SPAG16: variants seen among roughly 807,000 people sequenced by gnomAD.
SPAG16 encodes sperm associated antigen 16.
A neutral mutation model predicts 80.4 loss-of-function variants in SPAG16; 86 were observed. The observed-to-expected ratio is 1.07, with a 90% CI of 0.90 to 1.28. The LOEUF (loss-of-function observed/expected upper bound fraction) is 1.28, where lower values mean the gene tolerates loss of function less well. Ranked by LOEUF, SPAG16 falls within the 50% of genes most tolerant of loss-of-function variation. The pLI is 0.00. For synonymous variants in SPAG16, 294 were observed against 265.9 expected (o/e 1.11, Z -1.03); for missense variants, 870 against 765.3 (o/e 1.14, Z -1.61).
At chr2:213,441,528 A>C (rs1235174738) in intron 9 of SPAG16, among the ~76,000 whole-genome samples, 1 of 152,218 alleles carries the variant, frequency 6.6e-6, no homozygotes, top group Non-Finnish European at 1.5e-5. Context: ...ACAAAGTATC[A>C]GTAATGTTCT....
At chr2:214,309,906 A>C (rs1458150950) in intron 15 of SPAG16, among the ~76,000 whole-genome samples, 1 of 152,148 alleles carries the variant, frequency 6.6e-6, no homozygotes, top group Non-Finnish European at 1.5e-5. Flanking sequence ...GTCCTGCTGG[A>C]GACTGTGCTG....
At chr2:213,773,435 C>T (rs973566832) in intron 10 of SPAG16, among the ~76,000 whole-genome samples, 3 of 152,172 alleles carry the variant, frequency 2.0e-5, no homozygotes, top group African/African-American at 7.2e-5. Flanking sequence ...ATTATCAGTT[C>T]ATGTAACTAG....
chr2:213,339,213 G>C (rs1313379945), intron 5 of SPAG16, among the ~76,000 whole-genome samples: 1 of 152,058 alleles, frequency 6.6e-6, no homozygotes, highest in African/African-American at 2.4e-5. Flanking sequence ...ATTGACTTCT[G>C]ACACCGCTTA....
intron 13 of SPAG16, among the ~76,000 whole-genome samples, chr2:214,050,398 A>T (rs1462655484): frequency 1.3e-5 from 2 of 152,104 alleles, no homozygotes; most frequent in Admixed American, 6.6e-5. Flanking sequence ...TTTGAGAAAC[A>T]TTCATCTGGC....
chr2:214,065,815 T>C (rs530854803), intron 13 of SPAG16, among the ~76,000 whole-genome samples: 13 of 152,300 alleles, frequency 8.5e-5, no homozygotes, highest in African/African-American at 3.1e-4. Context: ...TTAGGAGACA[T>C]TGGTTGGCCT....
intron 13 of SPAG16, among the ~76,000 whole-genome samples, chr2:214,038,933 A>T (rs1051124631): frequency 1.3e-5 from 2 of 152,160 alleles, no homozygotes; most frequent in African/African-American, 4.8e-5. Context: ...TTCTTAATCC[A>T]GTCTATCATT....
intron 15 of SPAG16, among the ~76,000 whole-genome samples, chr2:214,220,780 C>A (rs562325366): frequency 7.9e-5 from 12 of 152,052 alleles, no homozygotes; most frequent in African/African-American, 2.9e-4. Flanking sequence ...TTACTTAAAA[C>A]GTAATAAAAT....
chr2:213,422,454 C>G (rs913690276), intron 9 of SPAG16: 2 of 585,480 alleles, frequency 3.4e-6, no homozygotes, highest in East Asian at 2.8e-5. Flanking sequence ...CCCCTCACCT[C>G]TCTGCTCCTG....
chr2:213,466,371 TG>T (rs1345575743), intron 9 of SPAG16, among the ~76,000 whole-genome samples: 1 of 152,212 alleles, frequency 6.6e-6, no homozygotes, highest in East Asian at 1.9e-4. Flanking sequence ...AAGCAAGGCT[TG>T]TTTCAATTGG....
intron 11 of SPAG16, among the ~76,000 whole-genome samples, chr2:213,868,060 A>G (rs1003848427): frequency 1.3e-5 from 2 of 152,082 alleles, no homozygotes; most frequent in African/African-American, 4.8e-5. Flanking sequence ...ATGATATGCA[A>G]CCATCAACAT....
chr2:213,993,190 G>A (rs943338998), intron 12 of SPAG16, among the ~76,000 whole-genome samples: 2 of 152,130 alleles, frequency 1.3e-5, no homozygotes, highest in African/African-American at 2.4e-5. Flanking sequence ...GACACCCAAC[G>A]GGCAGAATAT....
At chr2:213,593,746 CTTTTTTTTTT>C (rs541949006) in intron 10 of SPAG16, among the ~76,000 whole-genome samples, 8 of 50,184 alleles carry the variant, frequency 1.6e-4, no homozygotes, top group African/African-American at 3.9e-4. Flanking sequence ...CCCACCACAT[CTTTTTTTTTT>C]TTTTTTTTTT....
intron 10 of SPAG16, among the ~76,000 whole-genome samples, chr2:213,707,801 T>A (rs932843682): frequency 5.3e-5 from 8 of 152,164 alleles, no homozygotes; most frequent in Non-Finnish European, 1.0e-4. Context: ...TTTTGTTAGC[T>A]TATATCTCTT....
chr2:213,299,751 T>C (rs1030036340), intron 3 of SPAG16, among the ~76,000 whole-genome samples: 1 of 152,202 alleles, frequency 6.6e-6, no homozygotes, highest in Non-Finnish European at 1.5e-5. Flanking sequence ...AAGTTATTCT[T>C]GAAAAATATT....
chr2:213,934,250 G>A (rs1050359910), intron 12 of SPAG16, among the ~76,000 whole-genome samples: 14 of 152,246 alleles, frequency 9.2e-5, no homozygotes, highest in East Asian at 3.9e-4. Flanking sequence ...CCATGTTTCC[G>A]TTTTCTGTAT....
At chr2:214,342,763 T>A (rs970993389) in intron 15 of SPAG16, among the ~76,000 whole-genome samples, 2 of 152,194 alleles carry the variant, frequency 1.3e-5, no homozygotes, top group Admixed American at 6.5e-5. Context: ...GGAACCACTG[T>A]TCTAGAGGTT....
At chr2:214,060,766 T>TACC (rs2050220602) in intron 13 of SPAG16, among the ~76,000 whole-genome samples, 1 of 151,978 alleles carries the variant, frequency 6.6e-6, no homozygotes, top group African/African-American at 2.4e-5. Flanking sequence ...GGACAGAGAG[T>TACC]TGGAATGCTA....
At position 214,367,005 on chromosome 2, in the gene SPAG16, A is replaced by C. The variant is rs570429084; in HGVS notation, c.1721-43135A>C. Among the ~76,000 whole-genome samples the C allele has an allele frequency of 2.4e-4, 37 of 152,240 alleles. No individual in the cohort carries two copies. The East Asian group carries it at 6.6e-3, about 27-fold the overall frequency. ...AAGGAAGGAGAGAGCTATATCTACT[A>C]TTGCTCTTGGCCTCTCTCCAACTGC... On this transcript the variant is annotated intron_variant, in intron 15 of 15. Coordinates refer to ENST00000331683, the MANE Select transcript of SPAG16 (RefSeq NM_024532.5).
At chr2:213,385,291 A>G (rs1184813121) in intron 9 of SPAG16, among the ~76,000 whole-genome samples, 1 of 152,168 alleles carries the variant, frequency 6.6e-6, no homozygotes, top group Non-Finnish European at 1.5e-5. Flanking sequence ...TTTTTCCCCT[A>G]AGCTTCAAAG....
Sources: allele counts gnomAD v4.1 joint callset (sites outside exome capture counted in the v4.1 genomes callset), GRCh38; gene constraint gnomAD v4.1.1; transcripts MANE v1.5; gene names NCBI Gene and HGNC (gene_info 2026-07-23, HGNC 2026-07-21).